The following INPP5B variants were observed in gnomAD, a reference collection of about 807,000 sequenced individuals.
INPP5B encodes inositol polyphosphate-5-phosphatase B, also known as type II inositol 1,4,5-trisphosphate 5-phosphatase.
Under a neutral mutation model 118.5 loss-of-function variants are expected in INPP5B, and 90 were observed. That is an observed-to-expected ratio of 0.76 (90% CI 0.64 to 0.90). The LOEUF (loss-of-function observed/expected upper bound fraction) is 0.90. INPP5B is among the 40% of genes least tolerant of loss of function. The probability of loss-of-function intolerance (pLI) is 0.00; values close to 1 mark genes in which losing one functional copy is unlikely to be tolerated. For synonymous variants in INPP5B, 385 were observed against 418.9 expected (o/e 0.92, Z 0.99); for missense variants, 984 against 1,125.6 (o/e 0.87, Z 1.80).
At chr1:37,911,741 C>T (rs1389848945) in intron 7 of INPP5B, among the ~76,000 whole-genome samples, 1 of 152,194 alleles carries the variant, frequency 6.6e-6, no homozygotes, top group East Asian at 1.9e-4. Flanking sequence ...ACTCAAGGGT[C>T]CTCCATCATT....
intron 15 of INPP5B, among the ~76,000 whole-genome samples, chr1:37,878,995 C>T (rs776504292): frequency 1.0e-4 from 15 of 150,682 alleles, no homozygotes; most frequent in Non-Finnish European, 1.8e-4. Flanking sequence ...CGGTGGCTCA[C>T]GCCTGTAATC....
chr1:37,906,839 A>G (rs532768946), intron 7 of INPP5B, among the ~76,000 whole-genome samples: 41 of 149,304 alleles, frequency 2.7e-4, no homozygotes, highest in Non-Finnish European at 4.9e-4. Flanking sequence ...CAGCTTGGGC[A>G]ACAGAGTAAG....
chr1:37,879,394 A>G (rs933910263), intron 15 of INPP5B, among the ~76,000 whole-genome samples: 2 of 151,996 alleles, frequency 1.3e-5, no homozygotes, highest in Non-Finnish European at 2.9e-5. Context: ...TCAGTTTCCA[A>G]TCTCATAAAA....
chr1:37,919,354 C>A lies in INPP5B; in HGVS notation c.532+12559G>T, dbSNP rs188292022. On this transcript the variant is annotated intron_variant, in intron 7 of 23. Transcript: ENST00000373024. ...TCCCATTTCCAGCACACTGGAAGAACCTGCAAAACCATGCAAGCAAAATAC... is the reference window on the plus strand; with the variant it reads ...TCCCATTTCCAGCACACTGGAAGAAACTGCAAAACCATGCAAGCAAAATAC... Among the ~76,000 whole-genome samples, 15 of 152,254 alleles carry A rather than the reference C, an allele frequency of 9.9e-5. No individual in the cohort carries two copies. In the East Asian group the frequency reaches 2.9e-3, roughly 29 times the overall value.
chr1:37,879,848 A>G (rs1348994148), intron 15 of INPP5B, among the ~76,000 whole-genome samples: 2 of 152,230 alleles, frequency 1.3e-5, no homozygotes, highest in Non-Finnish European at 2.9e-5. Context: ...AGGCACAGCT[A>G]AAAAGTAAAC....
At chr1:37,909,946 C>T (rs992823761) in intron 7 of INPP5B, among the ~76,000 whole-genome samples, 1 of 152,190 alleles carries the variant, frequency 6.6e-6, no homozygotes, top group Non-Finnish European at 1.5e-5. Context: ...AATCTGGCCA[C>T]TGGGCCAAGG....
intron 16 of INPP5B, among the ~76,000 whole-genome samples, chr1:37,876,774 G>C (rs1226646959): frequency 6.6e-6 from 1 of 151,456 alleles, no homozygotes; most frequent in African/African-American, 2.4e-5. Context: ...CAGCTACTCG[G>C]GAGGCTGAGG....
At chr1:37,898,100 ATTAG>A (rs1405693375) in intron 7 of INPP5B, among the ~76,000 whole-genome samples, 1 of 152,254 alleles carries the variant, frequency 6.6e-6, no homozygotes, top group African/African-American at 2.4e-5. Flanking sequence ...AATTAGAAAA[ATTAG>A]TTATCAAGCC....
At chr1:37,943,507 G>C (rs1246547914) in intron 5 of INPP5B, 133 bp downstream of exon 5, 2 of 873,760 alleles carry the variant, frequency 2.3e-6, no homozygotes, top group Non-Finnish European at 3.6e-6. Context: ...GAGATGGGCT[G>C]TGCCAGATCC....
At chr1:37,883,616 G>C (rs1643340006) in intron 13 of INPP5B, 1 of 985,232 alleles carries the variant, frequency 1.0e-6, no homozygotes, top group Admixed American at 6.2e-5. Flanking sequence ...CAAAATTAAT[G>C]CATCCACAAA....
chr1:37,862,532 G>A, intron 23 of INPP5B, 102 bp from the exon 24 acceptor site: 1 of 757,814 alleles, frequency 1.3e-6, no homozygotes, highest in Non-Finnish European at 2.3e-6. Flanking sequence ...GTGTCATTAG[G>A]TGATTTCATC....
intron 5 of INPP5B, chr1:37,941,958 A>AAAAAATATATATAT (rs1427344681): frequency 1.3e-4 from 4 of 30,374 alleles, no homozygotes; most frequent in African/African-American, 6.0e-4. Context: ...AAAAAAAAAA[A>AAAAAATATATATAT]ATATATATAT....
intron 7 of INPP5B, among the ~76,000 whole-genome samples, chr1:37,910,533 CT>C (rs1457443015): frequency 6.6e-6 from 1 of 152,014 alleles, no homozygotes; most frequent in East Asian, 1.9e-4. Context: ...ATCTCCCCAC[CT>C]TAATCCACAA....
chr1:37,930,455 C>G (rs1400309198), intron 7 of INPP5B: 3 of 152,260 alleles, frequency 2.0e-5, no homozygotes, highest in Admixed American at 2.0e-4. Context: ...ACACAGCACC[C>G]ACCTCTTTCT....
At chr1:37,927,294 CA>C (rs1056822429) in intron 7 of INPP5B, among the ~76,000 whole-genome samples, 50 of 142,572 alleles carry the variant, frequency 3.5e-4, no homozygotes, top group Admixed American at 5.6e-4. Context: ...GACTCCGTCT[CA>C]AAAAAAAAAA....
intron 6 of INPP5B, among the ~76,000 whole-genome samples, chr1:37,937,423 G>A (rs1229957856): frequency 6.6e-6 from 1 of 152,166 alleles, no homozygotes; most frequent in East Asian, 1.9e-4. Flanking sequence ...CCTGAGGTCA[G>A]GAGTTCAAGA....
rs1287713212 is a variant in INPP5B, at chr1:37,878,052, AT to A, written c.1677+135del. ...ACAATTATTAACCAAGTTGTTAATA[AT>A]TGTTTTAAATTGTCCTAAAAGGGGC... On this transcript the variant is annotated intron_variant, in intron 16 of 23. Transcript: ENST00000373024. 18 of 1,014,770 alleles carry A rather than the reference AT, an allele frequency of 1.8e-5. No homozygotes were observed. The Admixed American group carries it at 4.9e-4, about 28-fold the overall frequency. 62.9% of individuals were successfully genotyped at this position (1,014,770 alleles called of 1,614,324 possible). A position where few individuals can be genotyped will look rare whatever the true frequency, so the allele number is the denominator to read the frequency against.
At chr1:37,946,035 A>T (rs1646098940) in intron 2 of INPP5B, among the ~76,000 whole-genome samples, 185 bp from the exon 3 acceptor site, 2 of 152,242 alleles carry the variant, frequency 1.3e-5, no homozygotes, top group Admixed American at 6.5e-5. Context: ...TGAAATGAGG[A>T]TAATAATCCC....
At chr1:37,897,596 C>T (rs1013957112) in intron 7 of INPP5B, among the ~76,000 whole-genome samples, 4 of 150,586 alleles carry the variant, frequency 2.7e-5, no homozygotes, top group Non-Finnish European at 5.9e-5. Flanking sequence ...ACAAACACTG[C>T]GGAAGGCCGA....
Sources: allele counts gnomAD v4.1 joint callset (sites outside exome capture counted in the v4.1 genomes callset), GRCh38; gene constraint gnomAD v4.1.1; transcripts MANE v1.5; gene names NCBI Gene and HGNC (gene_info 2026-07-23, HGNC 2026-07-21).